The following ALDOA variants were observed in gnomAD, a reference collection of about 807,000 sequenced individuals.
The protein encoded by ALDOA is aldolase, fructose-bisphosphate A, also known as fructose-bisphosphate aldolase A.
In ALDOA, 26 loss-of-function variants were observed where a neutral mutation model predicts 43.9. That is an observed-to-expected ratio of 0.59 (90% confidence interval 0.43 to 0.82). The LOEUF (loss-of-function observed/expected upper bound fraction) is 0.82, where lower values mean the gene tolerates loss of function less well. Ranked by LOEUF, ALDOA falls within the 40% of genes least tolerant of loss-of-function variation. ALDOA has a pLI of 0.00. For missense variants in ALDOA, 498 were observed against 549.5 expected (o/e 0.91, Z 0.94); for synonymous variants, 258 against 222.6 (o/e 1.16, Z -1.42).
chr16:30,068,051 A>C, intron 4 of ALDOA: 1 of 238,456 alleles, frequency 4.2e-6, no homozygotes, highest in Non-Finnish European at 8.3e-6. Flanking sequence ...GTAACTAAAC[A>C]TTTTAAGTAA....
At position 30,070,241 on chromosome 16, in the gene ALDOA, A is replaced by G. The variant is rs1458986453; in HGVS notation, c.*29A>G. Reference sequence around the variant, plus strand: ...GAGGTGTTCCCAGGCTGCCCCCAACACTCCAGGCCCTGCCCCCTCCCACTC... The same window carrying G: ...GAGGTGTTCCCAGGCTGCCCCCAACGCTCCAGGCCCTGCCCCCTCCCACTC... On this transcript the variant is annotated 3_prime_UTR_variant, in exon 10 of 10. Transcript: ENST00000642816. 1.2e-6 allele frequency: 2 copies of G among 1,607,992 alleles called. No homozygotes were observed. The highest frequency in any genetic ancestry group is 1.7e-6 in the Non-Finnish European group (2 of 1,175,060).
Position 30,067,446 on chromosome 16 carries a change from C to A in ALDOA, c.275-4C>A. 6.2e-7 allele frequency: 1 copy of A among 1,613,472 alleles called. No homozygotes were observed. The highest frequency in any genetic ancestry group is 1.6e-4 in the Middle Eastern group (1 of 6,062). ...ATCCCCTAATTCCCATGTGACACTC[C>A]CAGGGAGCATTGCCAAGCGGCTGCA... On this transcript the variant is annotated splice_region_variant and splice_polypyrimidine_tract_variant and intron_variant, in intron 3 of 9. Transcript: ENST00000642816.
At position 30,070,308 on chromosome 16, in the gene ALDOA, C is replaced by T. The variant is rs886051897; in HGVS notation, c.*96C>T. ...CTCCTCGGGGCTCCAGGCTGGCTTGCCCGCGCTCTTTCTTCCCTCGTGACA... is the reference window on the plus strand; with the variant it reads ...CTCCTCGGGGCTCCAGGCTGGCTTGTCCGCGCTCTTTCTTCCCTCGTGACA... On this transcript the variant is annotated 3_prime_UTR_variant, in exon 10 of 10. Transcript: ENST00000642816. 326 of 1,219,988 alleles carry T rather than the reference C, an allele frequency of 2.7e-4. No individual in the cohort carries two copies. Among genetic ancestry groups the T allele is most frequent in the Middle Eastern group, 1.1e-3 (6 of 5,378 alleles). The allele number at this position is 1,219,988 out of a possible 1,614,324, so 75.6% of individuals were successfully genotyped here.
rs776721459 is a variant in ALDOA, at chr16:30,067,621, C to T, written c.446C>T (p.Pro149Leu). The T allele has an allele frequency of 3.7e-6, 6 of 1,614,138 alleles. No individual in the cohort carries two copies. The highest frequency in any genetic ancestry group is 1.6e-4 in the Middle Eastern group (1 of 6,062). ...YQKADDGRPF[P>L]QVIKSKGGVV... ...AAGGCGGATGATGGGCGTCCCTTCCCCCAAGTTATCAAATCCAAGGGCGGT... is the reference window on the plus strand; with the variant it reads ...AAGGCGGATGATGGGCGTCCCTTCCTCCAAGTTATCAAATCCAAGGGCGGT... The change falls in exon 4 of 10, where the codon CCC (proline) becomes CTC (leucine). Residue 149 changes from proline (P) to leucine (L), a missense_variant. Pro to Leu is a moderately conservative substitution (Grantham distance 98). Transcript: ENST00000642816.
chr16:30,069,266 G>A, intron 6 of ALDOA, 40 bp from the exon 7 acceptor site: 1 of 1,606,860 alleles, frequency 6.2e-7, no homozygotes, highest in South Asian at 1.1e-5. Flanking sequence ...GGGACTCTGG[G>A]TTAGGAGGCC....
intron 4 of ALDOA, 64 bp from the exon 5 acceptor site, chr16:30,068,582 G>A (rs2072202431): frequency 7.0e-6 from 11 of 1,566,318 alleles, no homozygotes; most frequent in African/African-American, 2.7e-5. Flanking sequence ...CAGCCGGGGC[G>A]ACAGTGGAAA....
rs1460044839 is a variant in ALDOA, at chr16:30,065,763, C to G, written c.-178C>G. 2.0e-5 allele frequency: 3 copies of G among 152,642 alleles called. No homozygotes were observed. The highest frequency in any genetic ancestry group is 6.6e-5 in the Admixed American group (1 of 15,254). The allele number at this position is 152,642 out of a possible 1,614,324, so 9.5% of individuals were successfully genotyped here. On this transcript the variant is annotated 5_prime_UTR_variant, in exon 1 of 10. Coordinates refer to ENST00000642816, the MANE Select transcript of ALDOA (RefSeq NM_001243177.4). The stretch of plus-strand genomic sequence containing the variant: ...GGCCGGGCGCCGCCTTCCGCCTGCC[C>G]GCCTCCTGCGCCGCCCCTTCCGAGG...
rs1054906346 is a variant in ALDOA at position 30,068,942 on chromosome 16, C to T, written c.666C>T (p.Ala222=). The stretch of plus-strand genomic sequence containing the variant: ...CAGCCCTCGCCATCATGGAAAATGC[C>T]AATGTTCTGGCCCGTTATGCCAGTA... ...TPSALAIMEN[A]NVLARYASIC... The change falls in exon 6 of 10, where the codon GCC becomes GCT. Residue 222 remains alanine (A), a synonymous_variant. Transcript: ENST00000642816. 1.1e-5 allele frequency: 18 copies of T among 1,614,128 alleles called. No individual in the cohort carries two copies. The highest frequency in any genetic ancestry group is 1.5e-5 in the Non-Finnish European group (18 of 1,180,064).
Position 30,067,299 on chromosome 16 carries a change from G to A in ALDOA, c.207G>A (p.Glu69=), listed in dbSNP as rs3098411. 3.7e-6 allele frequency: 6 copies of A among 1,612,802 alleles called. No individual in the cohort carries two copies. Among genetic ancestry groups the A allele is most frequent in the African/African-American group, 2.7e-5 (2 of 74,888 alleles). Residue 69 remains glutamate, a synonymous_variant, in exon 3 of 10, where the codon GAG becomes GAA. Transcript: ENST00000642816. The part of the protein sequence containing the change: ...YPALTPEQKK[E]LSDIAHRIVA... ...CACTGACCCCGGAGCAGAAGAAGGA[G>A]CTGTCTGACATCGCTCACCGCATCG... is the stretch of plus-strand genomic sequence containing the variant.
At position 30,067,319 on chromosome 16, in the gene ALDOA, G is replaced by T; in HGVS notation, c.227G>T (p.Arg76Leu). 6.2e-7 allele frequency: 1 copy of T among 1,613,388 alleles called. No individual in the cohort carries two copies. Among genetic ancestry groups the T allele is most frequent in the Non-Finnish European group, 8.5e-7 (1 of 1,180,036 alleles). ...QKKELSDIAHRIVAPGKGILA... is the reference protein window; with the variant it reads ...QKKELSDIAHLIVAPGKGILA... ...AAGGAGCTGTCTGACATCGCTCACC[G>T]CATCGTGGCACCTGGCAAGGGCATC... The change falls in exon 3 of 10, where the codon CGC becomes CTC. Residue 76 changes from arginine (R) to leucine (L), a missense_variant. Coordinates refer to ENST00000642816, the MANE Select transcript of ALDOA (RefSeq NM_001243177.4).
In ALDOA at chr16:30,069,635, T is replaced by C; in HGVS notation, c.923T>C (p.Val308Ala). The C allele has an allele frequency of 6.2e-7, 1 of 1,613,868 alleles. No homozygotes were observed. Among genetic ancestry groups the C allele is most frequent in the Non-Finnish European group, 8.5e-7 (1 of 1,180,012 alleles). Residue 308 changes from valine (V) to alanine (A), a missense_variant, in exon 8 of 10, where the codon GTC becomes GCC. Physicochemically the swap from Val to Ala is moderately conservative, Grantham distance 64 (BLOSUM62 0). Transcript: ENST00000642816. ...CATGAGGAGATTGCCATGGCGACCGTCACAGCGCTGCGCCGCACAGTGCCC... is the reference window on the plus strand; with the variant it reads ...CATGAGGAGATTGCCATGGCGACCGCCACAGCGCTGCGCCGCACAGTGCCC... ...FSHEEIAMAT[V>A]TALRRTVPPA...
At chr16:30,065,594 C>T (rs985987997), upstream of ALDOA, 4 of 152,242 alleles carry the variant, frequency 2.6e-5, no homozygotes, top group African/African-American at 9.7e-5. Flanking sequence ...GGATCGTGTT[C>T]TCGGCGCCCG....
Position 30,067,038 on chromosome 16 carries a change from G to A in ALDOA, c.141G>A (p.Lys47=). 2 of 1,578,766 alleles carry A rather than the reference G, an allele frequency of 1.3e-6. No individual in the cohort carries two copies. The highest frequency in any genetic ancestry group is 1.3e-5 in the African/African-American group (1 of 74,166). Residue 47 remains lysine (K), a splice_region_variant and synonymous_variant, in exon 2 of 10, where the codon AAG becomes AAA. Transcript: ENST00000642816. ...GNTQHQTELG[K]ELATTSTMPY... ...CCCAGCACCAGACAGAGTTAGGAAA[G>A]GTACAGGGGCAGGCCTAGCAAAGGG... is the stretch of plus-strand genomic sequence containing the variant.
chr16:30,069,416 CAAGGT>C, intron 7 of ALDOA, 27 bp downstream of exon 7: 1 of 1,614,000 alleles, frequency 6.2e-7, no homozygotes, highest in Non-Finnish European at 8.5e-7. Flanking sequence ...CTGACCAGTG[CAAGGT>C]GGCTGGCCGG....
Position 30,067,227 on chromosome 16 carries a change from T to A in ALDOA, c.142-7T>A, listed in dbSNP as rs759561783. 5.2e-5 allele frequency: 84 copies of A among 1,612,002 alleles called. No homozygotes were observed. Among genetic ancestry groups the A allele is most frequent in the Non-Finnish European group, 6.9e-5 (82 of 1,179,988 alleles). On this transcript the variant is annotated splice_region_variant and splice_polypyrimidine_tract_variant and intron_variant, in intron 2 of 9. Transcript: ENST00000642816. ...ACTAGTCCTTCCCCTCTGTTTCCTG[T>A]ATCCAGGAACTTGCTACTACCAGCA...
rs748069154 is a variant in ALDOA at position 30,068,866 on chromosome 16, C to G, written c.590C>G (p.Ala197Gly). The change falls in exon 6 of 10, where the codon GCT (alanine) becomes GGT (glycine). Residue 197 changes from alanine (A) to glycine (G), a missense_variant. Ala to Gly is a moderately conservative substitution (Grantham distance 60, BLOSUM62 0). Coordinates refer to ENST00000642816, the MANE Select transcript of ALDOA (RefSeq NM_001243177.4). Reference sequence around the variant, plus strand: ...TGTGCCCAGTACAAGAAGGACGGAGCTGACTTCGCCAAGTGGCGTTGTGTG... The same window carrying G: ...TGTGCCCAGTACAAGAAGGACGGAGGTGACTTCGCCAAGTGGCGTTGTGTG... Reference protein sequence around the residue: ...ERCAQYKKDGADFAKWRCVLK... With the variant: ...ERCAQYKKDGGDFAKWRCVLK... The G allele has an allele frequency of 7.4e-6, 12 of 1,614,260 alleles. No homozygotes were observed. Among genetic ancestry groups the G allele is most frequent in the Admixed American group, 1.7e-5 (1 of 60,032 alleles).
chr16:30,067,774 C>T, intron 4 of ALDOA, 113 bp downstream of exon 4: 2 of 1,259,288 alleles, frequency 1.6e-6, no homozygotes, highest in Non-Finnish European at 2.3e-6. Context: ...TTGCATGGAG[C>T]CTGCTTCAGG....
chr16:30,066,803 C>T, intron 1 of ALDOA, 82 bp from the exon 2 acceptor site: 3 of 1,448,634 alleles, frequency 2.1e-6, no homozygotes, highest in Admixed American at 4.6e-5. Flanking sequence ...ATATCTGGGC[C>T]CTTTCCCACG....
At position 30,068,813 on chromosome 16, in the gene ALDOA, C is replaced by G; in HGVS notation, c.542-5C>G. On this transcript the variant is annotated splice_region_variant and splice_polypyrimidine_tract_variant and intron_variant, in intron 5 of 9. Transcript: ENST00000642816. ...CCGTGCTCTGACCCCTTCCTCTTCT[C>G]TTAGGGTTGGATGGGCTGTCTGAGC... is the stretch of plus-strand genomic sequence containing the variant. The G allele has an allele frequency of 6.2e-7, 1 of 1,614,220 alleles. No individual in the cohort carries two copies. The highest frequency in any genetic ancestry group is 1.7e-5 in the Admixed American group (1 of 60,030).
Sources: allele counts gnomAD v4.1 joint callset, GRCh38; gene constraint gnomAD v4.1.1; transcripts MANE v1.5; gene names NCBI Gene and HGNC (gene_info 2026-07-23, HGNC 2026-07-21).